The following TMPRSS15 variants were observed in gnomAD, a reference collection of about 807,000 sequenced individuals.
The protein encoded by TMPRSS15 is enteropeptidase.
Under a neutral mutation model 125.3 loss-of-function variants are expected in TMPRSS15, and 128 were observed. The ratio of observed to expected loss-of-function variants is 1.02; its 90% CI spans 0.89 to 1.18. The LOEUF is 1.18. TMPRSS15 is among the 50% of genes most tolerant of loss of function. TMPRSS15 has a pLI of 0.00. For missense variants in TMPRSS15, 1,283 were observed against 1,212.7 expected, an observed-to-expected ratio of 1.06 and a Z score of -0.86; for synonymous variants, 446 against 423.2, an observed-to-expected ratio of 1.05 and a Z score of -0.66.
chr21:18,305,271 C>T (rs1044533098), intron 18 of TMPRSS15, among the ~76,000 whole-genome samples: 7 of 146,258 alleles, frequency 4.8e-5, no homozygotes, highest in African/African-American at 1.8e-4. Flanking sequence ...TCACTGCAAG[C>T]TCCGCCTCCC....
chr21:18,348,309 C>T (rs2146998554), intron 10 of TMPRSS15, among the ~76,000 whole-genome samples: 1 of 152,214 alleles, frequency 6.6e-6, no homozygotes, highest in African/African-American at 2.4e-5. Context: ...CTTATCTCTT[C>T]ATGAATTGAA....
intron 1 of TMPRSS15, among the ~76,000 whole-genome samples, chr21:18,452,741 A>G (rs894998338): frequency 7.9e-6 from 1 of 126,272 alleles, no homozygotes; most frequent in Non-Finnish European, 1.7e-5. Context: ...ATCGATGACA[A>G]TTTCAATATG....
At chr21:18,375,533 A>C (rs1433972740) in intron 5 of TMPRSS15, among the ~76,000 whole-genome samples, 5 of 152,224 alleles carry the variant, frequency 3.3e-5, no homozygotes, top group African/African-American at 1.2e-4. Flanking sequence ...GTAAATGAAG[A>C]GAATAATAAT....
rs61735771 is a variant in TMPRSS15 at position 18,343,630 on chromosome 21, T to C, written c.1304A>G (p.His435Arg). 2,087 of 1,613,776 alleles carry C rather than the reference T, an allele frequency of 1.3e-3. 15 individuals carry two copies. The African/African-American group carries it at 0.02, about 16-fold the overall frequency. ...ATTGCTGATATTAATGCTTAATTTA[T>C]GGACATTTTCACCATACATATGATA... ...FWYHMYGENV[H>R]KLSINISNDQ... Residue 435 changes from histidine to arginine, a missense_variant, in exon 12 of 25, where the codon CAT becomes CGT. Physicochemically the swap from His to Arg is conservative, Grantham distance 29. Transcript: ENST00000284885.
chr21:18,387,275 A>T (rs1055398426), intron 3 of TMPRSS15, among the ~76,000 whole-genome samples: 5 of 152,178 alleles, frequency 3.3e-5, no homozygotes, highest in Non-Finnish European at 7.4e-5. Context: ...GTAAAATAAC[A>T]GTTTTTCTCT....
intron 17 of TMPRSS15, among the ~76,000 whole-genome samples, chr21:18,313,893 CAAAA>C (rs5842679): frequency 2.2e-4 from 29 of 129,842 alleles, no homozygotes; most frequent in East Asian, 4.2e-4. Flanking sequence ...CCCTCCCCAC[CAAAA>C]AAAAAAAAAA....
chr21:18,345,868 C>T (rs1447282955), intron 10 of TMPRSS15, among the ~76,000 whole-genome samples: 1 of 151,392 alleles, frequency 6.6e-6, no homozygotes, highest in Non-Finnish European at 1.5e-5. Flanking sequence ...TTATGTTTGG[C>T]CATGTTCACA....
At chr21:18,343,881 T>C in intron 11 of TMPRSS15, 74 bp downstream of exon 11, 4 of 1,390,918 alleles carry the variant, frequency 2.9e-6, no homozygotes, top group Non-Finnish European at 4.1e-6. Context: ...TAGTGAAATA[T>C]GAGCCTGGTG....
In TMPRSS15 at chr21:18,462,332, C is replaced by T. The variant is rs1263002826; in HGVS notation, c.10+23467G>A. Among the ~76,000 whole-genome samples the T allele has an allele frequency of 2.0e-5, 3 of 151,976 alleles. No individual in the cohort carries two copies. The East Asian group carries it at 5.8e-4, about 29-fold the overall frequency. ...AATTGTTTGTTTCTACAAATCGTTGCTACATACAAGAAAGTGTGATGTAGA... is the reference window on the plus strand; with the variant it reads ...AATTGTTTGTTTCTACAAATCGTTGTTACATACAAGAAAGTGTGATGTAGA... On this transcript the variant is annotated intron_variant, in intron 1 of 7. Coordinates refer to the TMPRSS15 transcript ENST00000422787.
At chr21:18,343,382 G>T (rs2075468836) in intron 12 of TMPRSS15, 124 bp downstream of exon 12, 3 of 880,544 alleles carry the variant, frequency 3.4e-6, no homozygotes, top group Non-Finnish European at 3.5e-6. Flanking sequence ...GGTAGATTGG[G>T]CAAGTAGAGA....
At chr21:18,320,804 T>C (rs1219071325) in intron 16 of TMPRSS15, among the ~76,000 whole-genome samples, 2 of 152,226 alleles carry the variant, frequency 1.3e-5, no homozygotes, top group African/African-American at 4.8e-5. Context: ...ATACAATAGT[T>C]CAGCTTCATT....
chr21:18,365,899 TA>T (rs1379349902), intron 6 of TMPRSS15, among the ~76,000 whole-genome samples: 1 of 151,502 alleles, frequency 6.6e-6, no homozygotes, highest in Non-Finnish European at 1.5e-5. Context: ...CACGCCCGGA[TA>T]ATTTTTGTAT....
intron 22 of TMPRSS15, among the ~76,000 whole-genome samples, chr21:18,280,575 CAAA>C (rs1230513414): frequency 5.4e-4 from 26 of 48,364 alleles, no homozygotes; most frequent in African/African-American, 2.2e-3. Flanking sequence ...GACTCCGTCT[CAAA>C]AAAAAAAAAA....
chr21:18,414,393 C>A (rs988888065), intron 1 of TMPRSS15, among the ~76,000 whole-genome samples: 2 of 152,128 alleles, frequency 1.3e-5, no homozygotes, highest in Non-Finnish European at 2.9e-5. Flanking sequence ...CTCTTTCTTA[C>A]CAAATTTTGA....
intron 5 of TMPRSS15, among the ~76,000 whole-genome samples, chr21:18,377,861 GT>G (rs542764470): frequency 2.4e-3 from 363 of 152,064 alleles, no homozygotes; most frequent in African/African-American, 8.5e-3. Context: ...TTCCTTCTTT[GT>G]CCAGAGAAAA....
At position 18,396,773 on chromosome 21, in the gene TMPRSS15, C is replaced by CAAAA. The variant is rs766409350; in HGVS notation, c.344+1102_344+1105dup. Among the ~76,000 whole-genome samples the CAAAA allele has an allele frequency of 3.6e-4, 17 of 47,744 alleles. No individual in the cohort carries two copies. In the South Asian group the frequency reaches 5.3e-3, roughly 15 times the overall value. The allele number at this position is 47,744 out of a possible 152,430, so 31.3% of individuals were successfully genotyped here. ...TGGGCGACAGAATGAGACTCTGTCT[C>CAAAA]AAAAAAAAAAAAAAAAAAATCTGTC... On this transcript the variant is annotated intron_variant, in intron 3 of 24. Transcript: ENST00000284885.
chr21:18,269,842 T>C lies in TMPRSS15; in HGVS notation c.*127A>G, dbSNP rs1424864366. 2.5e-6 allele frequency: 3 copies of C among 1,194,686 alleles called. No homozygotes were observed. The highest frequency in any genetic ancestry group is 2.4e-5 in the Admixed American group (1 of 42,098). The allele number at this position is 1,194,686 out of a possible 1,614,324, so 74.0% of individuals were successfully genotyped here. ...GTTTCCCTGGCCCCCTAGCATTTCA[T>C]TGACATAGGTAAGAATAAAAACCTT... On this transcript the variant is annotated 3_prime_UTR_variant, in exon 25 of 25. Transcript: ENST00000284885.
intron 14 of TMPRSS15, among the ~76,000 whole-genome samples, chr21:18,331,499 T>C (rs538084174): frequency 2.0e-5 from 3 of 152,258 alleles, no homozygotes; most frequent in South Asian, 2.1e-4. Flanking sequence ...GTAGTCTTTA[T>C]GCAGTTTTAG....
intron 1 of TMPRSS15, among the ~76,000 whole-genome samples, chr21:18,457,586 T>C (rs537191309): frequency 7.2e-5 from 11 of 152,264 alleles, no homozygotes; most frequent in Non-Finnish European, 1.5e-4. Context: ...AACAATCTTA[T>C]AGTAGTTATT....
Sources: allele counts gnomAD v4.1 joint callset (sites outside exome capture counted in the v4.1 genomes callset), GRCh38; gene constraint gnomAD v4.1.1; transcripts MANE v1.5; gene names NCBI Gene and HGNC (gene_info 2026-07-23, HGNC 2026-07-21).